The following TICAM2 variants were observed in gnomAD, a reference collection of about 807,000 sequenced individuals.
TICAM2 encodes TIR domain containing adaptor molecule 2.
A neutral mutation model predicts 7.3 loss-of-function variants in TICAM2; 8 were observed. The observed-to-expected ratio is 1.10, with a 90% confidence interval of 0.65 to 1.99. The LOEUF is 1.99. Ranked by LOEUF, TICAM2 falls within the 30% of genes most tolerant of loss-of-function variation. The pLI is 0.00. For synonymous variants in TICAM2, 113 were observed against 99.6 expected (o/e 1.13, Z -0.80); for missense variants, 304 against 278.8 (o/e 1.09, Z -0.65).
In TICAM2 at chr5:115,581,268, A is replaced by C. The variant is rs1181214565; in HGVS notation, c.-12T>G. On this transcript the variant is annotated 5_prime_UTR_variant, in exon 2 of 2. Transcript: ENST00000427199. ...TTCCCGATACCCATTATAAATATCC[A>C]AGGCAGAAGAGGAAAACTTTATGTA... The C allele has an allele frequency of 6.2e-7, 1 of 1,603,626 alleles. No individual in the cohort carries two copies. Among genetic ancestry groups the C allele is most frequent in the African/African-American group, 1.3e-5 (1 of 74,926 alleles).
intron 1 of TICAM2, among the ~76,000 whole-genome samples, chr5:115,588,445 A>G (rs544885251): frequency 6.6e-6 from 1 of 152,298 alleles, no homozygotes; most frequent in South Asian, 2.1e-4. Flanking sequence ...TTTTGTTTAT[A>G]TGAAGGAGAG....
chr5:115,584,668 C>T (rs747922594), intron 1 of TICAM2, among the ~76,000 whole-genome samples: 22 of 152,116 alleles, frequency 1.4e-4, no homozygotes, highest in Non-Finnish European at 2.9e-4. Context: ...CCAGAAAAGA[C>T]ATAAGAGAAA....
At chr5:115,581,412 A>G (rs961034118) in intron 1 of TICAM2, 97 bp from the exon 2 acceptor site, 11 of 1,333,792 alleles carry the variant, frequency 8.2e-6, no homozygotes, top group Non-Finnish European at 1.1e-5. Flanking sequence ...AAAGATTATA[A>G]TAGACAGATC....
intron 1 of TICAM2, among the ~76,000 whole-genome samples, chr5:115,596,185 C>A (rs992030853): frequency 6.6e-6 from 1 of 152,186 alleles, no homozygotes; most frequent in African/African-American, 2.4e-5. Flanking sequence ...CAAGTTTCCT[C>A]TCTACCACAT....
chr5:115,585,747 G>C (rs1755079170), intron 1 of TICAM2, among the ~76,000 whole-genome samples: 1 of 152,202 alleles, frequency 6.6e-6, no homozygotes, highest in Non-Finnish European at 1.5e-5. Flanking sequence ...GAGAGCAGAA[G>C]CCAGGGGAGG....
At chr5:115,585,271 T>C (rs933357251) in intron 1 of TICAM2, among the ~76,000 whole-genome samples, 1 of 152,202 alleles carries the variant, frequency 6.6e-6, no homozygotes, top group Non-Finnish European at 1.5e-5. Context: ...ACAAAGAAGC[T>C]AAAACATTTA....
At chr5:115,592,458 G>T (rs903699548) in intron 1 of TICAM2, among the ~76,000 whole-genome samples, 1 of 152,060 alleles carries the variant, frequency 6.6e-6, no homozygotes, top group Non-Finnish European at 1.5e-5. Flanking sequence ...CCATCACCTA[G>T]GTATTAAGGC....
At chr5:115,596,274 C>G (rs1755506667) in intron 1 of TICAM2, among the ~76,000 whole-genome samples, 1 of 152,204 alleles carries the variant, frequency 6.6e-6, no homozygotes, top group African/African-American at 2.4e-5. Context: ...TCAGTCTAAT[C>G]CATTCTCCAC....
rs1031826798 is a variant in TICAM2, at chr5:115,590,232, C to T, written c.-59-8917G>A. On this transcript the variant is annotated intron_variant, in intron 1 of 1. Coordinates refer to ENST00000427199, the MANE Select transcript of TICAM2 (RefSeq NM_021649.7). Reference sequence around the variant, plus strand: ...TTAAAAAGAATGAGGATCACTTGAGCGCAGGAGTTTGGGGCTTCAGTGAGC... The same window carrying T: ...TTAAAAAGAATGAGGATCACTTGAGTGCAGGAGTTTGGGGCTTCAGTGAGC... Among the ~76,000 whole-genome samples the T allele has an allele frequency of 3.3e-5, 5 of 152,032 alleles. No individual in the cohort carries two copies. The East Asian group carries it at 5.8e-4, about 18-fold the overall frequency.
intron 1 of TICAM2, among the ~76,000 whole-genome samples, chr5:115,583,610 A>G (rs1032678476): frequency 2.0e-5 from 3 of 152,194 alleles, no homozygotes; most frequent in Admixed American, 6.5e-5. Context: ...GGAGACTGCC[A>G]AGGGAACAAG....
chr5:115,580,863 A>G lies in TICAM2; in HGVS notation c.394T>C (p.Ser132Pro), dbSNP rs779570221. Residue 132 changes from serine (S) to proline (P), a missense_variant, in exon 2 of 2, where the codon TCT becomes CCT. Transcript: ENST00000427199. The stretch of plus-strand genomic sequence containing the variant: ...GTCAGTAATAAGATTGTCCATGCAG[A>G]CCCATTTACAGCATCATCTAAATTC... ...LQNLDDAVNG[S>P]AWTILLLTEN... is the part of the protein sequence containing the mutation. The G allele has an allele frequency of 4.3e-6, 7 of 1,613,118 alleles. No individual in the cohort carries two copies. The Admixed American group carries it at 1.0e-4, about 23-fold the overall frequency.
intron 1 of TICAM2, among the ~76,000 whole-genome samples, chr5:115,594,256 T>C (rs1014889377): frequency 2.0e-5 from 3 of 152,254 alleles, no homozygotes; most frequent in African/African-American, 7.2e-5. Flanking sequence ...GTTCAAATTA[T>C]ACTGAATCTG....
intron 1 of TICAM2, among the ~76,000 whole-genome samples, chr5:115,597,922 C>T (rs1331895012): frequency 6.6e-6 from 1 of 151,896 alleles, no homozygotes; most frequent in Non-Finnish European, 1.5e-5. Context: ...CAAGTGAATA[C>T]CAAAAAGGTA....
intron 1 of TICAM2, among the ~76,000 whole-genome samples, chr5:115,589,094 A>G (rs1315738228): frequency 1.3e-5 from 2 of 152,230 alleles, no homozygotes; most frequent in African/African-American, 4.8e-5. Flanking sequence ...TTCTGTAAAT[A>G]CATTTTTATT....
intron 1 of TICAM2, among the ~76,000 whole-genome samples, chr5:115,583,301 G>A (rs1421238716): frequency 6.6e-6 from 1 of 152,130 alleles, no homozygotes; most frequent in Non-Finnish European, 1.5e-5. Context: ...GTCACTAGCC[G>A]GTAAGACAAG....
intron 1 of TICAM2, among the ~76,000 whole-genome samples, chr5:115,585,262 CAAAG>C (rs922012622): frequency 2.6e-5 from 4 of 152,102 alleles, no homozygotes; most frequent in Non-Finnish European, 4.4e-5. Flanking sequence ...AAATACATAA[CAAAG>C]AAGCTAAAAC....
chr5:115,587,584 G>A (rs1386388219), intron 1 of TICAM2, among the ~76,000 whole-genome samples: 1 of 152,214 alleles, frequency 6.6e-6, no homozygotes, highest in Non-Finnish European at 1.5e-5. Context: ...AGGTAATGGG[G>A]ATGGCATAGA....
chr5:115,581,026 C>T lies in TICAM2; in HGVS notation c.231G>A (p.Val77=), dbSNP rs1179462894. The T allele has an allele frequency of 2.4e-5, 38 of 1,613,962 alleles. No individual in the cohort carries two copies. Among genetic ancestry groups the T allele is most frequent in the Non-Finnish European group, 3.0e-5 (35 of 1,180,012 alleles). ...CATGCAATATCACAAATTTGAGGAA[C>T]ACCTCTTCTTCAGCTTCTTCTTCAA... The part of the protein sequence containing the change: ...EMFEEEAEEE[V]FLKFVILHAE... Residue 77 remains valine, a synonymous_variant, in exon 2 of 2, where the codon GTG becomes GTA. Transcript: ENST00000427199.
At chr5:115,585,528 C>G (rs1248285423) in intron 1 of TICAM2, among the ~76,000 whole-genome samples, 1 of 152,138 alleles carries the variant, frequency 6.6e-6, no homozygotes, top group African/African-American at 2.4e-5. Flanking sequence ...CATGGACAAG[C>G]AGTTTGAATA....
Sources: gnomAD v4.1 joint callset for allele counts (sites outside exome capture counted in the v4.1 genomes callset) on GRCh38, gnomAD v4.1.1 for gene constraint, MANE v1.5 for transcripts, NCBI Gene and HGNC (gene_info 2026-07-23, HGNC 2026-07-21) for gene names.